Variants in CSGALNACT1 observed in about 807,000 individuals in gnomAD.
CSGALNACT1 encodes beta4GalNAcT-1.
Under a neutral mutation model 51.0 loss-of-function variants are expected in CSGALNACT1, and 52 were observed. The ratio of observed to expected loss-of-function variants is 1.02; its 90% CI spans 0.82 to 1.29. The LOEUF is 1.29. Ranked by LOEUF, CSGALNACT1 falls within the 50% of genes most tolerant of loss-of-function variation. The pLI is 0.00. For synonymous variants in CSGALNACT1, 341 were observed against 254.4 expected (o/e 1.34, Z -3.24); for missense variants, 935 against 679.2 (o/e 1.38, Z -4.19).
chr8:19,526,463 G>A (rs1008393618), intron 3 of CSGALNACT1, among the ~76,000 whole-genome samples: 7 of 152,112 alleles, frequency 4.6e-5, no homozygotes, highest in African/African-American at 9.7e-5. Flanking sequence ...CGCGCCTGTA[G>A]TGCCAGCTAC....
At chr8:19,421,566 G>A (rs747604858) in intron 6 of CSGALNACT1, among the ~76,000 whole-genome samples, 8 of 152,040 alleles carry the variant, frequency 5.3e-5, no homozygotes, top group Non-Finnish European at 8.8e-5. Context: ...CCAGCTACCT[G>A]GCCTATCCCC....
At chr8:19,541,108 C>A (rs953866878) in intron 3 of CSGALNACT1, among the ~76,000 whole-genome samples, 8 of 151,780 alleles carry the variant, frequency 5.3e-5, no homozygotes, top group African/African-American at 1.9e-4. Flanking sequence ...TTAATGGAGT[C>A]TTGCTGTGTC....
intron 1 of CSGALNACT1, among the ~76,000 whole-genome samples, chr8:19,689,618 A>G (rs1319030609): frequency 6.6e-6 from 1 of 152,218 alleles, no homozygotes; most frequent in African/African-American, 2.4e-5. Flanking sequence ...TTTTCTATGT[A>G]TTAAACTATT....
chr8:19,708,308 A>G (rs1046096704), intron 1 of CSGALNACT1, among the ~76,000 whole-genome samples: 7 of 152,224 alleles, frequency 4.6e-5, no homozygotes, highest in Non-Finnish European at 8.8e-5. Context: ...AGCCCACTGC[A>G]TCACCTGGGA....
intron 5 of CSGALNACT1, among the ~76,000 whole-genome samples, chr8:19,451,548 T>C (rs908758947): frequency 1.3e-5 from 2 of 152,176 alleles, no homozygotes; most frequent in African/African-American, 4.8e-5. Flanking sequence ...CCAAGCACCG[T>C]TCTAGAGCAC....
At chr8:19,524,918 G>A (rs1236043625) in intron 3 of CSGALNACT1, among the ~76,000 whole-genome samples, 2 of 152,156 alleles carry the variant, frequency 1.3e-5, no homozygotes, top group African/African-American at 4.8e-5. Context: ...GAGAAAGAGA[G>A]ACACAGAGAG....
chr8:19,696,011 A>C (rs900453854), intron 1 of CSGALNACT1, among the ~76,000 whole-genome samples: 9 of 152,208 alleles, frequency 5.9e-5, no homozygotes, highest in African/African-American at 2.2e-4. Flanking sequence ...TCTGAATATA[A>C]ATTTTTAAAA....
rs537707293 is a variant in CSGALNACT1, at chr8:19,491,336, CTA to C, written c.634+13863_634+13864del. Among the ~76,000 whole-genome samples the C allele has an allele frequency of 4.0e-3, 610 of 152,222 alleles. 3 individuals carry two copies. The highest frequency in any genetic ancestry group is 0.013 in the African/African-American group (558 of 41,546). ...TCATTTTTCATTATTATAAATACTT[CTA>C]TGATATAAATATTCATGGACATTTC... is the stretch of plus-strand genomic sequence containing the variant. On this transcript the variant is annotated intron_variant, in intron 4 of 9. Coordinates refer to ENST00000454498, the Ensembl canonical transcript of CSGALNACT1.
chr8:19,552,578 T>G (rs935342427), intron 3 of CSGALNACT1, among the ~76,000 whole-genome samples: 2 of 152,168 alleles, frequency 1.3e-5, no homozygotes, highest in African/African-American at 4.8e-5. Flanking sequence ...AGATACATAC[T>G]TGCAAGCTCC....
At chr8:19,620,832 G>A (rs76231736) in intron 1 of CSGALNACT1, among the ~76,000 whole-genome samples, 3,569 of 152,224 alleles carry the variant, frequency 0.023, 161 homozygotes, top group African/African-American at 0.081. Flanking sequence ...ATGTAGCCAC[G>A]GACTGAAAGT....
At chr8:19,682,295 C>G (rs376477034) in intron 1 of CSGALNACT1, among the ~76,000 whole-genome samples, 2 of 152,050 alleles carry the variant, frequency 1.3e-5, no homozygotes, top group Non-Finnish European at 2.9e-5. Context: ...TGCTTTGGGC[C>G]GCTAGGCAAT....
intron 1 of CSGALNACT1, among the ~76,000 whole-genome samples, chr8:19,715,985 C>T (rs975344358): frequency 1.3e-5 from 2 of 152,166 alleles, no homozygotes; most frequent in Non-Finnish European, 2.9e-5. Flanking sequence ...TATTACTTGT[C>T]AATCCATGCT....
intron 1 of CSGALNACT1, among the ~76,000 whole-genome samples, chr8:19,681,033 T>C (rs1160455504): frequency 6.6e-6 from 1 of 152,104 alleles, no homozygotes; most frequent in Non-Finnish European, 1.5e-5. Context: ...ACACCAATAC[T>C]ACTCCATGTT....
Position 19,513,436 on chromosome 8 carries a change from CTATATA to C in CSGALNACT1, c.-296-7312_-296-7307del, listed in dbSNP as rs1554650175. 1.9e-3 allele frequency among the ~76,000 whole-genome samples: 155 copies of C among 81,980 alleles called. No individual in the cohort carries two copies. In the Middle Eastern group the frequency reaches 0.022, roughly 12 times the overall value. The allele number at this position is 81,980 out of a possible 152,430, so 53.8% of individuals were successfully genotyped here. ...TCTCACTCTCTCTCTCTCTCTCTCT[CTATATA>C]TATATATATATATATATATATTTTG... On this transcript the variant is annotated intron_variant, in intron 3 of 9. Coordinates refer to ENST00000454498, the Ensembl canonical transcript of CSGALNACT1.
rs1334873309 is a variant in CSGALNACT1 at position 19,749,827 on chromosome 8, T to C, written c.-297+8023A>G. 3.3e-5 allele frequency among the ~76,000 whole-genome samples: 5 copies of C among 152,214 alleles called. No individual in the cohort carries two copies. In the South Asian group the frequency reaches 8.3e-4, roughly 25 times the overall value. On this transcript the variant is annotated intron_variant, in intron 1 of 1. Transcript: ENST00000517494. ...CCAGTAGTTATTGCCAGACAACTAATAATTTTGACTTAGCTACTCACTGAC... is the reference window on the plus strand; with the variant it reads ...CCAGTAGTTATTGCCAGACAACTAACAATTTTGACTTAGCTACTCACTGAC...
intron 1 of CSGALNACT1, among the ~76,000 whole-genome samples, chr8:19,705,037 G>T (rs532055920): frequency 6.6e-6 from 1 of 152,130 alleles, no homozygotes; most frequent in African/African-American, 2.4e-5. Context: ...GTTAATACAC[G>T]TATTGCCCAC....
At chr8:19,482,217 G>C (rs1041646255) in intron 4 of CSGALNACT1, among the ~76,000 whole-genome samples, 1 of 152,170 alleles carries the variant, frequency 6.6e-6, no homozygotes, top group Non-Finnish European at 1.5e-5. Flanking sequence ...AATCCATTTT[G>C]TCAAACGGCT....
At chr8:19,564,680 T>G (rs1464563241) in intron 3 of CSGALNACT1, among the ~76,000 whole-genome samples, 2 of 152,210 alleles carry the variant, frequency 1.3e-5, no homozygotes, top group Non-Finnish European at 2.9e-5. Flanking sequence ...TAAAATCACC[T>G]CCTTCAAGAG....
intron 1 of CSGALNACT1, among the ~76,000 whole-genome samples, chr8:19,675,492 C>T (rs118062144): frequency 0.016 from 2,500 of 152,090 alleles, 32 homozygotes; most frequent in Non-Finnish European, 0.023. Context: ...ATTCTTCTCC[C>T]TCCCATCCCT....
Sources: allele counts gnomAD v4.1 joint callset (sites outside exome capture counted in the v4.1 genomes callset), GRCh38; gene constraint gnomAD v4.1.1; transcripts MANE v1.5; gene names NCBI Gene and HGNC (gene_info 2026-07-23, HGNC 2026-07-21).